Variants in TECRL observed in about 807,000 individuals in gnomAD.
TECRL encodes the protein trans-2,3-enoyl-CoA reductase like.
Under a neutral mutation model 52.8 loss-of-function variants are expected in TECRL, and 63 were observed. That is an observed-to-expected ratio of 1.19 (90% CI 0.97 to 1.47). TECRL has a LOEUF of 1.47. TECRL is among the 40% of genes most tolerant of loss of function. The probability of loss-of-function intolerance (pLI) is 0.00; values close to 1 mark genes in which losing one functional copy is unlikely to be tolerated. For missense variants in TECRL, 482 were observed against 429.6 expected, an observed-to-expected ratio of 1.12 and a Z score of -1.08; for synonymous variants, 164 against 141.9, an observed-to-expected ratio of 1.16 and a Z score of -1.10.
At chr4:64,333,565 T>C (rs1231481287) in intron 2 of TECRL, among the ~76,000 whole-genome samples, 1 of 152,242 alleles carries the variant, frequency 6.6e-6, no homozygotes, top group Admixed American at 6.5e-5. Flanking sequence ...TAATAATGTA[T>C]GTGCATATGC....
At chr4:64,352,977 C>T (rs1313725208) in intron 2 of TECRL, among the ~76,000 whole-genome samples, 1 of 152,188 alleles carries the variant, frequency 6.6e-6, no homozygotes, top group East Asian at 1.9e-4. Flanking sequence ...CCTCAGCCTC[C>T]TGAGTAGCTT....
chr4:64,334,000 C>T lies in TECRL; in HGVS notation c.287-5444G>A, dbSNP rs867870309. On this transcript the variant is annotated intron_variant, in intron 2 of 11. Transcript: ENST00000381210. ...GATTGCGCCACTGCAGTCCGCAGTC[C>T]GGCCTGGGCGACAGAGCGAGACTCC... 7.4e-4 allele frequency among the ~76,000 whole-genome samples: 66 copies of T among 88,690 alleles called. 1 individual carries two copies. The highest frequency in any genetic ancestry group is 2.2e-3 in the Admixed American group (14 of 6,462). 58.2% of individuals were successfully genotyped at this position (88,690 alleles called of 152,430 possible).
intron 4 of TECRL, among the ~76,000 whole-genome samples, chr4:64,315,698 G>A (rs1388893672): frequency 2.6e-5 from 4 of 152,002 alleles, no homozygotes; most frequent in African/African-American, 9.7e-5. Context: ...TCACAGCTCT[G>A]TTGAGAAGAT....
chr4:64,300,640 A>G (rs1010739320), intron 7 of TECRL, among the ~76,000 whole-genome samples: 3 of 151,052 alleles, frequency 2.0e-5, no homozygotes, highest in African/African-American at 7.2e-5. Flanking sequence ...GAATTATTTG[A>G]TAAACCTATC....
chr4:64,277,474 T>C (rs1432686956), downstream of TECRL, among the ~76,000 whole-genome samples: 3 of 151,876 alleles, frequency 2.0e-5, no homozygotes, highest in Non-Finnish European at 4.4e-5. Flanking sequence ...AGAATTTTAT[T>C]GTTGTTATTG....
intron 2 of TECRL, among the ~76,000 whole-genome samples, chr4:64,355,346 C>T (rs1432049073): frequency 1.3e-5 from 2 of 152,038 alleles, no homozygotes; most frequent in Middle Eastern, 3.4e-3. Context: ...ATTCGGTCAA[C>T]ATGAAGATGT....
chr4:64,314,519 C>T (rs892655370), intron 5 of TECRL, 129 bp downstream of exon 5: 30 of 674,872 alleles, frequency 4.4e-5, no homozygotes, highest in Middle Eastern at 3.7e-4. Context: ...ATATCCACTT[C>T]AATCGCGTTT....
intron 8 of TECRL, among the ~76,000 whole-genome samples, chr4:64,292,977 C>T (rs1046012349): frequency 2.6e-5 from 4 of 151,944 alleles, no homozygotes; most frequent in African/African-American, 4.8e-5. Flanking sequence ...TATGCGCAGG[C>T]GTGGCTTAAA....
Position 64,281,880 on chromosome 4 carries a change from GTAC to G in TECRL, c.833-324_833-322del, listed in dbSNP as rs537261410. Reference sequence around the variant, plus strand: ...TTTTTACATTATAATGATTGAAATAGTACTACATGCTGAAATTATAAAGTGTGT... The same window carrying G: ...TTTTTACATTATAATGATTGAAATAGTACATGCTGAAATTATAAAGTGTGT... On this transcript the variant is annotated intron_variant, in intron 9 of 11. Transcript: ENST00000381210. Among the ~76,000 whole-genome samples, 19 of 151,886 alleles carry G rather than the reference GTAC, an allele frequency of 1.3e-4. No homozygotes were observed. The South Asian group carries it at 3.7e-3, about 30-fold the overall frequency.
intron 2 of TECRL, among the ~76,000 whole-genome samples, chr4:64,355,328 C>A (rs907225491): frequency 2.0e-5 from 3 of 151,928 alleles, no homozygotes; most frequent in African/African-American, 7.3e-5. Flanking sequence ...ACATTTCACC[C>A]TAAAAACATT....
chr4:64,404,343 T>TA (rs1724570378), intron 1 of TECRL, among the ~76,000 whole-genome samples: 2 of 152,000 alleles, frequency 1.3e-5, no homozygotes, highest in South Asian at 2.1e-4. Context: ...CTCAGGCTCT[T>TA]AGAGTTCTTG....
At chr4:64,358,148 A>G (rs2109601876) in intron 2 of TECRL, among the ~76,000 whole-genome samples, 1 of 151,946 alleles carries the variant, frequency 6.6e-6, no homozygotes, top group East Asian at 1.9e-4. Flanking sequence ...TCTGTAAATT[A>G]GGAGATAAAA....
intron 9 of TECRL, among the ~76,000 whole-genome samples, chr4:64,286,635 G>T (rs1723096106): frequency 6.6e-6 from 1 of 151,410 alleles, no homozygotes; most frequent in African/African-American, 2.4e-5. Context: ...AAAATTCATA[G>T]ACTTTTATAA....
Position 64,409,284 on chromosome 4 carries a change from C to T in TECRL, c.68G>A (p.Arg23Gln), listed in dbSNP as rs760208676. 3.7e-6 allele frequency: 6 copies of T among 1,613,574 alleles called. No homozygotes were observed. Among genetic ancestry groups the T allele is most frequent in the East Asian group, 2.2e-5 (1 of 44,848 alleles). Residue 23 changes from arginine (R) to glutamine (Q), a missense_variant, in exon 1 of 12, where the codon CGG becomes CAG. By Grantham distance (43) the Arg-to-Gln change is conservative (BLOSUM62 1). Transcript: ENST00000381210. The part of the protein sequence containing the change: ...KRALLSQRAT[R>Q]FILKDDMRNF... ...TCTCATATCATCCTTCAGTATGAAC[C>T]GTGTAGCTCTTTGGGAAAGTAATGC...
intron 2 of TECRL, among the ~76,000 whole-genome samples, chr4:64,353,120 G>A (rs1419328586): frequency 6.6e-6 from 1 of 152,182 alleles, no homozygotes; most frequent in African/African-American, 2.4e-5. Flanking sequence ...GGTAAATAGT[G>A]TATAACTATT....
intron 4 of TECRL, among the ~76,000 whole-genome samples, chr4:64,316,005 T>TCAG (rs1717471000): frequency 5.6e-5 from 1 of 17,912 alleles, no homozygotes; most frequent in African/African-American, 1.6e-4. Context: ...ACCCCATTAT[T>TCAG]CTATAGAAAA....
intron 1 of TECRL, among the ~76,000 whole-genome samples, chr4:64,406,725 A>G (rs1724752458): frequency 6.6e-6 from 1 of 152,036 alleles, no homozygotes; most frequent in South Asian, 2.1e-4. Flanking sequence ...TCCTTGATAG[A>G]CACAAATGAT....
At chr4:64,388,220 C>CTTTTTTT (rs3045235) in intron 1 of TECRL, among the ~76,000 whole-genome samples, 3 of 127,114 alleles carry the variant, frequency 2.4e-5, no homozygotes, top group Non-Finnish European at 3.2e-5. Flanking sequence ...AGTCTAAATC[C>CTTTTTTT]TTTTTTTTTT....
intron 1 of TECRL, among the ~76,000 whole-genome samples, chr4:64,377,986 A>G (rs1722517772): frequency 6.6e-6 from 1 of 152,120 alleles, no homozygotes; most frequent in African/African-American, 2.4e-5. Context: ...TTTTTGTAGT[A>G]TAAAAACCTA....
Sources: allele counts gnomAD v4.1 joint callset (sites outside exome capture counted in the v4.1 genomes callset), GRCh38; gene constraint gnomAD v4.1.1; transcripts MANE v1.5; gene names NCBI Gene and HGNC (gene_info 2026-07-23, HGNC 2026-07-21).